RREB1: variants seen among roughly 807,000 people sequenced by gnomAD.
RREB1 encodes ras-responsive element-binding protein 1.
Under a neutral mutation model 117.8 loss-of-function variants are expected in RREB1, and 27 were observed. That is an observed-to-expected ratio of 0.23 (90% CI 0.17 to 0.32). The LOEUF is 0.32. RREB1 is among the 10% of genes least tolerant of loss of function. The probability of loss-of-function intolerance (pLI) is 1.00; values close to 1 mark genes in which losing one functional copy is unlikely to be tolerated. For missense variants in RREB1, 2,577 were observed against 2,378.2 expected, an observed-to-expected ratio of 1.08 and a Z score of -1.74; for synonymous variants, 1,298 against 1,026.7, an observed-to-expected ratio of 1.26 and a Z score of -5.05.
intron 9 of RREB1, among the ~76,000 whole-genome samples, chr6:7,228,285 T>G (rs778874223): frequency 2.0e-5 from 3 of 151,994 alleles, no homozygotes; most frequent in African/African-American, 7.3e-5. Context: ...TAGCTGATTC[T>G]CCAACATCTC....
intron 8 of RREB1, chr6:7,218,809 A>G (rs1389068474): frequency 1.4e-5 from 2 of 147,146 alleles, no homozygotes; most frequent in African/African-American, 5.1e-5. Context: ...CCAGCTCAGA[A>G]TTGTGCAACT....
At chr6:7,244,990 AAGGACT>A (rs1768919463) in intron 11 of RREB1, among the ~76,000 whole-genome samples, 2 of 152,232 alleles carry the variant, frequency 1.3e-5, no homozygotes, top group Non-Finnish European at 2.9e-5. Flanking sequence ...CTGCTGGCTC[AAGGACT>A]GCAATCACAT....
intron 1 of RREB1, among the ~76,000 whole-genome samples, chr6:7,152,872 G>A (rs1763185035): frequency 6.6e-6 from 1 of 152,226 alleles, no homozygotes; most frequent in Non-Finnish European, 1.5e-5. Flanking sequence ...TTTGAGATTA[G>A]TTGTCAATCC....
chr6:7,187,545 A>C (rs767335377), intron 5 of RREB1, 22 bp downstream of exon 5: 28 of 452,324 alleles, frequency 6.2e-5, no homozygotes, highest in East Asian at 3.2e-4. Context: ...CTGTTCTTTT[A>C]TTTTATTTTA....
At position 7,189,141 on chromosome 6, in the gene RREB1, G is replaced by A. The variant is rs759415695; in HGVS notation, c.262-18G>A. The stretch of plus-strand genomic sequence containing the variant: ...ATGCACTTTCTTAAGTGACCGCTGT[G>A]ACCATTGCTTTCTGCAGCACAACAC... On this transcript the variant is annotated intron_variant, in intron 5 of 12. Transcript: ENST00000379938. 5.0e-6 allele frequency: 8 copies of A among 1,608,366 alleles called. No individual in the cohort carries two copies. The South Asian group carries it at 7.7e-5, about 16-fold the overall frequency.
At chr6:7,158,462 C>T (rs972966814) in intron 1 of RREB1, among the ~76,000 whole-genome samples, 1 of 152,204 alleles carries the variant, frequency 6.6e-6, no homozygotes, top group African/African-American at 2.4e-5. Flanking sequence ...TTTGCCCACT[C>T]CACACACACC....
At chr6:7,209,223 T>G (rs967805769) in intron 6 of RREB1, among the ~76,000 whole-genome samples, 1 of 152,208 alleles carries the variant, frequency 6.6e-6, no homozygotes, top group African/African-American at 2.4e-5. Flanking sequence ...TTTTTAATAT[T>G]CTCATATCAA....
chr6:7,163,266 G>C (rs576653259), intron 1 of RREB1, among the ~76,000 whole-genome samples: 34 of 152,234 alleles, frequency 2.2e-4, no homozygotes, highest in African/African-American at 7.9e-4. Flanking sequence ...GGAAAATTCT[G>C]TTTGCAGATT....
chr6:7,125,676 T>C (rs77169065), intron 1 of RREB1, among the ~76,000 whole-genome samples: 1 of 152,140 alleles, frequency 6.6e-6, no homozygotes, highest in East Asian at 1.9e-4. Flanking sequence ...AACTCAAGGT[T>C]TTGCCTCAGA....
chr6:7,225,308 CTG>C (rs1211761811), intron 8 of RREB1, among the ~76,000 whole-genome samples: 1 of 152,216 alleles, frequency 6.6e-6, no homozygotes, highest in Non-Finnish European at 1.5e-5. Flanking sequence ...TGGAAACATA[CTG>C]TGTCTGTGCT....
intron 8 of RREB1, chr6:7,219,127 A>T: frequency 7.3e-6 from 1 of 136,374 alleles, no homozygotes; most frequent in Middle Eastern, 3.8e-3. Context: ...AAAAAAAGCC[A>T]GGCACGGTGT....
In RREB1 at chr6:7,229,186, T is replaced by C. The variant is rs752990584; in HGVS notation, c.1087T>C (p.Phe363Leu). 3 of 1,610,744 alleles carry C rather than the reference T, an allele frequency of 1.9e-6. No homozygotes were observed. Among genetic ancestry groups the C allele is most frequent in the Admixed American group, 1.7e-5 (1 of 59,888 alleles). Residue 363 changes from phenylalanine (F) to leucine (L), a missense_variant, in exon 10 of 13, where the codon TTC becomes CTC. Phe to Leu is a conservative substitution (Grantham distance 22). Transcript: ENST00000379938. The surrounding 1 kb of genome is among the most constrained non-coding windows in gnomAD (Gnocchi z 4.5). ...LPGDALDQKG[F>L]LALLGLQHTK... ...TGGTGACGCCCTGGACCAGAAGGGC[T>C]TCCTGGCCTTGCTTGGCCTGCAGCA...
intron 2 of RREB1, among the ~76,000 whole-genome samples, chr6:7,179,587 G>A (rs1363529033): frequency 6.6e-6 from 1 of 152,196 alleles, no homozygotes; most frequent in Non-Finnish European, 1.5e-5. Flanking sequence ...GTTCAGTATT[G>A]AAGGTATCCA....
Position 7,249,051 on chromosome 6 carries a change from C to G in RREB1, c.*83C>G. ...ATGGGGTTTCCTCAGTGCCCTTTGGCTGTTGAGGAGTGAGAGAGAGAGAGA... is the reference window on the plus strand; with the variant it reads ...ATGGGGTTTCCTCAGTGCCCTTTGGGTGTTGAGGAGTGAGAGAGAGAGAGA... On this transcript the variant is annotated 3_prime_UTR_variant, in exon 13 of 13. Transcript: ENST00000379938. 4 of 915,138 alleles carry G rather than the reference C, an allele frequency of 4.4e-6. No individual in the cohort carries two copies. The highest frequency in any genetic ancestry group is 1.9e-5 in the South Asian group (1 of 53,578). 56.7% of individuals were successfully genotyped at this position (915,138 alleles called of 1,614,324 possible). A position where few individuals can be genotyped will look rare whatever the true frequency, so the allele number is the denominator to read the frequency against.
At chr6:7,178,099 A>G (rs1010926857) in intron 2 of RREB1, among the ~76,000 whole-genome samples, 3 of 152,112 alleles carry the variant, frequency 2.0e-5, no homozygotes, top group Non-Finnish European at 4.4e-5. Flanking sequence ...GCCTCAAGCC[A>G]TCCTCCCACC....
At chr6:7,194,466 G>A (rs1178280385) in intron 6 of RREB1, among the ~76,000 whole-genome samples, 3 of 152,134 alleles carry the variant, frequency 2.0e-5, no homozygotes, top group East Asian at 1.9e-4. Flanking sequence ...CACAAGAATC[G>A]CTTGAACCCA....
intron 1 of RREB1, among the ~76,000 whole-genome samples, chr6:7,111,598 CTAGGTT>C (rs1046476540): frequency 7.2e-5 from 11 of 152,132 alleles, no homozygotes; most frequent in African/African-American, 2.4e-4. Flanking sequence ...ACATTATTTA[CTAGGTT>C]TAGTTAATTT....
intron 6 of RREB1, among the ~76,000 whole-genome samples, chr6:7,193,392 T>G (rs1765511153): frequency 6.6e-6 from 1 of 152,246 alleles, no homozygotes; most frequent in Non-Finnish European, 1.5e-5. Context: ...CTTATTGATC[T>G]CCATTTATTT....
intron 1 of RREB1, among the ~76,000 whole-genome samples, chr6:7,166,688 G>A (rs537691908): frequency 2.0e-5 from 3 of 152,296 alleles, no homozygotes; most frequent in South Asian, 2.1e-4. Flanking sequence ...CATTTCAAAC[G>A]CTTGTATCTT....
Sources: allele counts gnomAD v4.1 joint callset (sites outside exome capture counted in the v4.1 genomes callset), GRCh38; gene constraint gnomAD v4.1.1; non-coding constraint Gnocchi (gnomAD v3.1); transcripts MANE v1.5; gene names NCBI Gene and HGNC (gene_info 2026-07-23, HGNC 2026-07-21).